Variants in ZAN observed in about 807,000 individuals in gnomAD.
ZAN encodes zonadhesin (gene/pseudogene).
ZAN carries 260 observed loss-of-function variants against 286.2 expected under a neutral mutation model. The observed-to-expected ratio is 0.91, with a 90% CI of 0.82 to 1.01. The LOEUF is 1.01. Among genes scored for constraint, ZAN ranks in the 50% least tolerant of loss-of-function variants. The pLI, the probability that ZAN is intolerant of heterozygous loss-of-function variation, is 0.00. For synonymous variants in ZAN, 1,368 were observed against 1,417.5 expected (o/e 0.97, Z 0.79); for missense variants, 3,410 against 3,639.2 (o/e 0.94, Z 1.62).
At chr7:100,746,415 C>T (rs1808221725) in intron 7 of ZAN, 123 bp from the exon 8 acceptor site, 6 of 1,279,452 alleles carry the variant, frequency 4.7e-6, no homozygotes, top group African/African-American at 1.5e-5. Context: ...CTCAGTGCTG[C>T]CTGATTCTAG....
chr7:100,777,024 G>A (rs1221503681), intron 34 of ZAN, among the ~76,000 whole-genome samples: 4 of 143,432 alleles, frequency 2.8e-5, no homozygotes, highest in Admixed American at 1.5e-4. Context: ...GAGCCACCGC[G>A]CCCGGCCCCT....
rs891101922 is a variant in ZAN at position 100,793,656 on chromosome 7, T to C, written c.7788-164T>C. Among the ~76,000 whole-genome samples the C allele has an allele frequency of 3.8e-4, 58 of 152,150 alleles. 1 individual carries two copies. The highest frequency in any genetic ancestry group is 5.9e-5 in the Non-Finnish European group (4 of 68,024). Reference sequence around the variant, plus strand: ...TTTCACCATGTTGGCCAGGCTGGTCTTGAACTCCTGACTTCAGGTGATCCA... The same window carrying C: ...TTTCACCATGTTGGCCAGGCTGGTCCTGAACTCCTGACTTCAGGTGATCCA... On this transcript the variant is annotated intron_variant, in intron 42 of 47. Transcript: ENST00000613979.
intron 7 of ZAN, 100 bp from the exon 8 acceptor site, chr7:100,746,438 G>A: frequency 7.0e-7 from 1 of 1,438,300 alleles, no homozygotes; most frequent in Non-Finnish European, 9.4e-7. Flanking sequence ...TGCTGTTGGG[G>A]ATCCCCAGAG....
intron 35 of ZAN, among the ~76,000 whole-genome samples, chr7:100,782,973 A>G (rs1000326344): frequency 6.6e-6 from 1 of 152,198 alleles, no homozygotes; most frequent in Non-Finnish European, 1.5e-5. Flanking sequence ...CTGAAAATTT[A>G]AAATGAGCTT....
chr7:100,766,643 GTA>G lies in ZAN; in HGVS notation c.4591_4592del (p.Ile1531LeufsTer16), dbSNP rs1390633099. On this transcript the variant is annotated frameshift_variant, in exon 24 of 48. Coordinates refer to ENST00000613979, the MANE Select transcript of ZAN (RefSeq NM_003386.3). LOFTEE classifies it high-confidence loss of function. ...CAGGAGTTCTGTGGCCAACAGGATG[GTA>G]TCTATGGCTGCCATGCCCAAGGTGA... 2.6e-6 allele frequency: 4 copies of G among 1,566,960 alleles called. No individual in the cohort carries two copies. In the African/African-American group the frequency reaches 5.4e-5, roughly 21 times the overall value.
In ZAN at chr7:100,755,221, C is replaced by T. The variant is rs1468407951; in HGVS notation, c.3125-5C>T. 1 of 1,610,002 alleles carries T rather than the reference C, an allele frequency of 6.2e-7. No individual in the cohort carries two copies. The highest frequency in any genetic ancestry group is 8.5e-7 in the Non-Finnish European group (1 of 1,177,486). On this transcript the variant is annotated splice_polypyrimidine_tract_variant and splice_region_variant and intron_variant, in intron 14 of 47. Transcript: ENST00000613979. ...AAAGCATGACAGAGGCTGTTTTCCCCTTAGAGCGCTGCCCTCCAAATGCCC... is the reference window on the plus strand; with the variant it reads ...AAAGCATGACAGAGGCTGTTTTCCCTTTAGAGCGCTGCCCTCCAAATGCCC...
In ZAN at chr7:100,793,898, C is replaced by T. The variant is rs763131843; in HGVS notation, c.7866C>T (p.Pro2622=). ...LPSILCQPGR[P]RGLRGPLRGR... ...GCATCCTGTGCCAACCTGGCAGACC[C>T]CGGGGACTGCGAGGGCCCCTGCGTG... Residue 2622 remains proline (P), a synonymous_variant, in exon 43 of 48, where the codon CCC becomes CCT. Coordinates refer to ENST00000613979, the MANE Select transcript of ZAN (RefSeq NM_003386.3). The T allele has an allele frequency of 1.2e-6, 2 of 1,613,828 alleles. No homozygotes were observed. The highest frequency in any genetic ancestry group is 3.3e-5 in the Admixed American group (2 of 59,990).
rs748013778 is a variant in ZAN at position 100,793,838 on chromosome 7, G to C, written c.7806G>C (p.Arg2602Ser). ...CCCGCAGCCATGGAGTGTCCAGCAGGTACCATATATCAGAGCTGTATGACA... is the reference window on the plus strand; with the variant it reads ...CCCGCAGCCATGGAGTGTCCAGCAGCTACCATATATCAGAGCTGTATGACA... The part of the protein sequence containing the change: ...QVLSGHGVSS[R>S]YHISELYDTL... Residue 2602 changes from arginine (R) to serine (S), a missense_variant, in exon 43 of 48, where the codon AGG becomes AGC. Physicochemically the swap from Arg to Ser is moderately radical, Grantham distance 110 (BLOSUM62 -1). Coordinates refer to ENST00000613979, the MANE Select transcript of ZAN (RefSeq NM_003386.3). 1.2e-6 allele frequency: 2 copies of C among 1,605,194 alleles called. No individual in the cohort carries two copies. Among genetic ancestry groups the C allele is most frequent in the African/African-American group, 2.7e-5 (2 of 74,780 alleles).
Position 100,779,657 on chromosome 7 carries a change from T to C in ZAN, c.6529T>C (p.Tyr2177His). The stretch of plus-strand genomic sequence containing the variant: ...CACCCTCTGTGAGTTCGGAGGTCTC[T>C]ACCAGGCCCTCTGCCAGGCTCTGCA... ...ANTLCEFGGLYQALCQALQAF... is the reference protein window; with the variant it reads ...ANTLCEFGGLHQALCQALQAF... The change falls in exon 35 of 48, where the codon TAC becomes CAC. Residue 2177 changes from tyrosine to histidine, a missense_variant. This residue lies in a region of ZAN where 1,289 missense variants were observed against 1,314.3 expected (regional missense o/e 0.98). Coordinates refer to ENST00000613979, the MANE Select transcript of ZAN (RefSeq NM_003386.3). The C allele has an allele frequency of 1.9e-6, 3 of 1,579,698 alleles. No homozygotes were observed. Among genetic ancestry groups the C allele is most frequent in the African/African-American group, 2.7e-5 (2 of 74,234 alleles).
chr7:100,793,101 G>A (rs903827833), intron 42 of ZAN, among the ~76,000 whole-genome samples: 2 of 151,982 alleles, frequency 1.3e-5, no homozygotes, highest in Non-Finnish European at 2.9e-5. Context: ...CACTTTGGGA[G>A]GCAGAGGCAG....
At position 100,762,236 on chromosome 7, in the gene ZAN, T is replaced by G. The variant is rs116830116; in HGVS notation, c.3864T>G (p.Cys1288Trp). The change falls in exon 20 of 48, where the codon TGT becomes TGG. Residue 1288 changes from cysteine (C) to tryptophan (W), a missense_variant. Coordinates refer to ENST00000613979, the MANE Select transcript of ZAN (RefSeq NM_003386.3). ...CTAGCACATACTCTGGCAAACTCTG[T>G]GGTTTGTGTGGGAACTATGACGGCA... Reference protein sequence around the residue: ...TVSSTYSGKLCGLCGNYDGNS... With the variant: ...TVSSTYSGKLWGLCGNYDGNS... 2,275 of 1,613,082 alleles carry G rather than the reference T, an allele frequency of 1.4e-3. 25 individuals are homozygous for G. The African/African-American group carries it at 0.026, about 18-fold the overall frequency.
intron 45 of ZAN, among the ~76,000 whole-genome samples, chr7:100,796,045 G>A (rs1382524194): frequency 6.6e-6 from 1 of 151,730 alleles, no homozygotes; most frequent in South Asian, 2.1e-4. Flanking sequence ...ACGCTACTGC[G>A]CTCCAGCCTG....
At chr7:100,750,921 G>C in intron 12 of ZAN, 25 bp downstream of exon 12, 1 of 1,525,894 alleles carries the variant, frequency 6.6e-7, no homozygotes, top group South Asian at 1.3e-5. Context: ...CGGGGGTCCT[G>C]TCTGTGTGAG....
rs142431112 is a variant in ZAN, at chr7:100,778,632, G to A, written c.6318-814G>A. On this transcript the variant is annotated intron_variant, in intron 34 of 47. Transcript: ENST00000613979. ...AGGAAATCTGAGAGAAGACGAGGCCGATGGAAGATTGGCCAGAGCTCAGAC... is the reference window on the plus strand; with the variant it reads ...AGGAAATCTGAGAGAAGACGAGGCCAATGGAAGATTGGCCAGAGCTCAGAC... Among the ~76,000 whole-genome samples the A allele has an allele frequency of 4.4e-4, 67 of 151,948 alleles. No individual in the cohort carries two copies. The East Asian group carries it at 5.7e-3, about 13-fold the overall frequency.
chr7:100,794,846 G>T (rs1023447304), intron 44 of ZAN, among the ~76,000 whole-genome samples: 1 of 141,632 alleles, frequency 7.1e-6, no homozygotes, highest in African/African-American at 2.6e-5. Flanking sequence ...CAAAAAAGAA[G>T]AGAAGAGAAG....
chr7:100,776,811 C>T (rs1200497181), intron 34 of ZAN, among the ~76,000 whole-genome samples: 1 of 132,096 alleles, frequency 7.6e-6, no homozygotes, highest in Non-Finnish European at 1.6e-5. Context: ...CGGCTCACTG[C>T]AAGCTCTGCT....
chr7:100,751,206 A>AGCAACACGGCCTCTGTGGTT lies in ZAN; in HGVS notation c.1549_1568dup (p.Met524ThrfsTer12). The AGCAACACGGCCTCTGTGGTT allele has an allele frequency of 1.2e-6, 2 of 1,609,932 alleles. No homozygotes were observed. Among genetic ancestry groups the AGCAACACGGCCTCTGTGGTT allele is most frequent in the Non-Finnish European group, 1.7e-6 (2 of 1,178,300 alleles). On this transcript the variant is annotated frameshift_variant, in exon 13 of 48. Transcript: ENST00000613979. LOFTEE classifies it high-confidence loss of function. ...GCTTATTTTCAAGGGCATCCAGGGA[A>AGCAACACGGCCTCTGTGGTT]GCAACACGGCCTCTGTGGTTGCTAT... is the stretch of plus-strand genomic sequence containing the variant.
At chr7:100,737,208 C>G in intron 5 of ZAN, 54 bp from the exon 6 acceptor site, 1 of 1,417,618 alleles carries the variant, frequency 7.1e-7, no homozygotes, top group Non-Finnish European at 9.6e-7. Flanking sequence ...AACTAGGAGC[C>G]AGGAGGCCTG....
At position 100,751,727 on chromosome 7, in the gene ZAN, A is replaced by C; in HGVS notation, c.1622A>C (p.Glu541Ala). The C allele has an allele frequency of 6.3e-7, 1 of 1,582,588 alleles. No individual in the cohort carries two copies. The highest frequency in any genetic ancestry group is 8.5e-7 in the Non-Finnish European group (1 of 1,170,540). Residue 541 changes from glutamate to alanine, a missense_variant, in exon 14 of 48, where the codon GAG (glutamate) becomes GCG (alanine). By Grantham distance (107) the Glu-to-Ala change is moderately radical. Transcript: ENST00000613979. ...PGTCPVKVLPELPPVSPVSST... is the reference protein window; with the variant it reads ...PGTCPVKVLPALPPVSPVSST... ...TTCTTTGCAGTAAAAGTGCTACCAG[A>C]GCTTCCTCCCGTATCTCCAGTTTCT...
Sources: allele counts gnomAD v4.1 joint callset (sites outside exome capture counted in the v4.1 genomes callset), GRCh38; gene constraint gnomAD v4.1.1; regional missense constraint gnomAD v4.1.1; transcripts MANE v1.5; gene names NCBI Gene and HGNC (gene_info 2026-07-23, HGNC 2026-07-21).